TGS1: variants seen among roughly 807,000 people sequenced by gnomAD.
TGS1 encodes the protein trimethylguanosine synthase.
TGS1 carries 69 observed loss-of-function variants against 92.2 expected under a neutral mutation model. The ratio of observed to expected loss-of-function variants is 0.75; its 90% CI spans 0.62 to 0.91. TGS1 has a LOEUF of 0.91. Ranked by LOEUF, TGS1 falls within the 40% of genes least tolerant of loss-of-function variation. The pLI, the probability that TGS1 is intolerant of heterozygous loss-of-function variation, is 0.00. For synonymous variants in TGS1, 345 were observed against 338.1 expected (o/e 1.02, Z -0.22); for missense variants, 1,062 against 1,001.2 (o/e 1.06, Z -0.82).
intron 8 of TGS1, among the ~76,000 whole-genome samples, chr8:55,800,131 CTTATT>C (rs1315875598): frequency 6.6e-6 from 1 of 151,756 alleles, no homozygotes; most frequent in Non-Finnish European, 1.5e-5. Flanking sequence ...TGGAAAATAA[CTTATT>C]TGAGTCTTGA....
Position 55,786,271 on chromosome 8 carries a change from A to T in TGS1, c.373A>T (p.Lys125Ter). The T allele has an allele frequency of 1.3e-6, 2 of 1,499,742 alleles. No homozygotes were observed. The highest frequency in any genetic ancestry group is 1.8e-6 in the Non-Finnish European group (2 of 1,108,900). 92.9% of individuals were successfully genotyped at this position (1,499,742 alleles called of 1,614,324 possible). Residue 125 changes from lysine to a stop codon, truncating the protein, a stop_gained, in exon 4 of 13, where the codon AAA becomes TAA. Transcript: ENST00000260129. LOFTEE classifies it high-confidence loss of function. ...GAATACTAGAAATAAAGTTAAAATA[A>T]AAAAGAAAAAACATCAAAAGAAATA... ...SMNTRNKVKI[K>*]KKKHQKKYLD...
At chr8:55,799,624 C>A (rs1812164678) in intron 8 of TGS1, among the ~76,000 whole-genome samples, 1 of 152,206 alleles carries the variant, frequency 6.6e-6, no homozygotes, top group Admixed American at 6.5e-5. Context: ...GTTGCCCAGG[C>A]TGGAGTGCAG....
chr8:55,801,429 C>T (rs893048395), intron 8 of TGS1, among the ~76,000 whole-genome samples: 1 of 148,254 alleles, frequency 6.7e-6, no homozygotes. Flanking sequence ...TGCCACCGTG[C>T]CCAGCTAATT....
intron 1 of TGS1, among the ~76,000 whole-genome samples, chr8:55,781,793 G>A (rs1811570750): frequency 6.6e-6 from 1 of 152,222 alleles, no homozygotes; most frequent in Admixed American, 6.5e-5. Flanking sequence ...TAAATTTATT[G>A]TAGCTCCATT....
chr8:55,787,954 A>G (rs919371871), intron 4 of TGS1, among the ~76,000 whole-genome samples: 1 of 152,188 alleles, frequency 6.6e-6, no homozygotes, highest in Admixed American at 6.5e-5. Flanking sequence ...GTAACTCATT[A>G]CCATGGGGAG....
chr8:55,796,175 A>T (rs1812044666), intron 7 of TGS1, 23 bp downstream of exon 7: 6 of 1,542,902 alleles, frequency 3.9e-6, no homozygotes, highest in Non-Finnish European at 4.4e-6. Context: ...TTTGTTGCAT[A>T]TTTGTAGATA....
At chr8:55,821,382 A>G (rs1803629199) in intron 12 of TGS1, among the ~76,000 whole-genome samples, 1 of 152,172 alleles carries the variant, frequency 6.6e-6, no homozygotes, top group South Asian at 2.1e-4. Flanking sequence ...GTTATTGAGT[A>G]AAGTAATTTA....
chr8:55,799,991 C>G (rs1043838127), intron 8 of TGS1, among the ~76,000 whole-genome samples: 1 of 152,160 alleles, frequency 6.6e-6, no homozygotes, highest in Admixed American at 6.5e-5. Flanking sequence ...AATGAATAAA[C>G]TGAGTAACAT....
intron 11 of TGS1, among the ~76,000 whole-genome samples, chr8:55,811,648 C>T (rs756529101): frequency 7.2e-5 from 11 of 151,930 alleles, no homozygotes; most frequent in South Asian, 2.1e-4. Context: ...GTACTCCCAG[C>T]AACTCAGGAG....
rs187584648 is a variant in TGS1, at chr8:55,813,051, T to G, written c.2372T>G (p.Phe791Cys). The G allele has an allele frequency of 3.7e-6, 6 of 1,608,352 alleles. No individual in the cohort carries two copies. Among genetic ancestry groups the G allele is most frequent in the East Asian group, 2.2e-5 (1 of 44,742 alleles). Residue 791 changes from phenylalanine (F) to cysteine (C), a missense_variant, in exon 12 of 13, where the codon TTC (phenylalanine) becomes TGC (cysteine). Coordinates refer to ENST00000260129, the MANE Select transcript of TGS1 (RefSeq NM_024831.8). ...TAACTGCTGTCCACCTTTGAAATTT[T>G]CAGACTTTCTAAGAAGATCACTAAT... ...TMMSPDGFEI[F>C]RLSKKITNNI...
chr8:55,786,525 A>G lies in TGS1; in HGVS notation c.627A>G (p.Leu209=), dbSNP rs377215688. ...EKYWNEYGGG[L]LWQSWQEKHP... ...ATTGGAATGAATATGGAGGAGGACT[A>G]TTGTGGCAAAGTTGGCAAGAAAAAC... The change falls in exon 4 of 13, where the codon CTA becomes CTG. Residue 209 remains leucine, a synonymous_variant. Transcript: ENST00000260129. 1.4e-5 allele frequency: 23 copies of G among 1,614,210 alleles called. No homozygotes were observed. The African/African-American group carries it at 1.9e-4, about 13-fold the overall frequency.
intron 1 of TGS1, among the ~76,000 whole-genome samples, chr8:55,782,338 C>T (rs554740485): frequency 2.0e-5 from 3 of 152,176 alleles, no homozygotes; most frequent in South Asian, 4.1e-4. Flanking sequence ...CCTGCCACCA[C>T]GCCCAGCTAA....
intron 6 of TGS1, among the ~76,000 whole-genome samples, chr8:55,793,327 A>C (rs556248066): frequency 1.3e-5 from 2 of 152,194 alleles, no homozygotes; most frequent in Non-Finnish European, 2.9e-5. Context: ...CCCCATCTCT[A>C]CAACACATTT....
intron 1 of TGS1, among the ~76,000 whole-genome samples, chr8:55,776,271 C>T (rs1700278282): frequency 2.0e-5 from 3 of 146,742 alleles, no homozygotes; most frequent in Non-Finnish European, 3.0e-5. Context: ...GGGGTCTTCA[C>T]GGTGTCTTTT....
intron 12 of TGS1, among the ~76,000 whole-genome samples, chr8:55,822,798 C>A (rs578128386): frequency 1.3e-5 from 2 of 152,142 alleles, no homozygotes; most frequent in African/African-American, 4.8e-5. Flanking sequence ...GTTGCTTCTT[C>A]CCTATTTCTG....
intron 12 of TGS1, among the ~76,000 whole-genome samples, chr8:55,814,670 A>ATATAT (rs1461083210): frequency 7.7e-6 from 1 of 129,814 alleles, no homozygotes; most frequent in African/African-American, 3.3e-5. Context: ...AAAAAAAAAA[A>ATATAT]AAAAATATAT....
chr8:55,811,880 C>T (rs1415814237), intron 11 of TGS1, among the ~76,000 whole-genome samples: 1 of 152,218 alleles, frequency 6.6e-6, no homozygotes, highest in South Asian at 2.1e-4. Flanking sequence ...GGATCGATCT[C>T]CAAAAGTAAT....
intron 10 of TGS1, among the ~76,000 whole-genome samples, chr8:55,809,607 C>T (rs766254259): frequency 6.6e-6 from 1 of 152,160 alleles, no homozygotes; most frequent in Non-Finnish European, 1.5e-5. Context: ...CTGGCACATG[C>T]CACCCCACCT....
chr8:55,813,547 A>G (rs139477798), intron 12 of TGS1, among the ~76,000 whole-genome samples: 19 of 152,260 alleles, frequency 1.2e-4, no homozygotes, highest in African/African-American at 4.3e-4. Flanking sequence ...TGTGCCAGAT[A>G]CTCTTGAAAA....
Sources: allele counts gnomAD v4.1 joint callset (sites outside exome capture counted in the v4.1 genomes callset), GRCh38; gene constraint gnomAD v4.1.1; transcripts MANE v1.5; gene names NCBI Gene and HGNC (gene_info 2026-07-23, HGNC 2026-07-21).